Variants in DGKB observed in about 807,000 individuals in gnomAD.
DGKB encodes diacylglycerol kinase beta.
Under a neutral mutation model 114.3 loss-of-function variants are expected in DGKB, and 67 were observed. The observed-to-expected ratio is 0.59, with a 90% CI of 0.48 to 0.72. The LOEUF is 0.72. Ranked by LOEUF, DGKB falls within the 30% of genes least tolerant of loss-of-function variation. The pLI, the probability that DGKB is intolerant of heterozygous loss-of-function variation, is 0.00. For synonymous variants in DGKB, 398 were observed against 323.1 expected (o/e 1.23, Z -2.49); for missense variants, 907 against 975.2 (o/e 0.93, Z 0.93).
At chr7:14,447,275 T>C (rs1830857470) in intron 21 of DGKB, among the ~76,000 whole-genome samples, 1 of 152,098 alleles carries the variant, frequency 6.6e-6, no homozygotes, top group South Asian at 2.1e-4. Flanking sequence ...CCTCTACTGC[T>C]GAGAGCTTTT....
intron 23 of DGKB, among the ~76,000 whole-genome samples, chr7:14,210,581 G>C (rs147202881): frequency 6.6e-6 from 1 of 152,076 alleles, no homozygotes; most frequent in Non-Finnish European, 1.5e-5. Context: ...ACATGCACCT[G>C]ATTTTCAGAA....
chr7:14,619,039 T>C (rs1210828291), intron 15 of DGKB, among the ~76,000 whole-genome samples: 2 of 151,704 alleles, frequency 1.3e-5, no homozygotes, highest in East Asian at 1.9e-4. Context: ...AGAACTTTAT[T>C]CTTTTATTTT....
chr7:14,810,506 T>A (rs1296568964), intron 2 of DGKB, among the ~76,000 whole-genome samples: 1 of 152,234 alleles, frequency 6.6e-6, no homozygotes, highest in African/African-American at 2.4e-5. Context: ...ATTTTAATAA[T>A]TTATTTTATT....
At chr7:14,901,520 G>A (rs1339837753) in intron 1 of DGKB, among the ~76,000 whole-genome samples, 1 of 151,854 alleles carries the variant, frequency 6.6e-6, no homozygotes, top group East Asian at 1.9e-4. Context: ...GGAGAAAAAT[G>A]TACTAATACA....
At chr7:14,196,039 T>C (rs935334387) in intron 23 of DGKB, among the ~76,000 whole-genome samples, 3 of 152,046 alleles carry the variant, frequency 2.0e-5, no homozygotes, top group African/African-American at 7.2e-5. Context: ...TGCCGAAAAA[T>C]ATAGGATTAT....
intron 20 of DGKB, among the ~76,000 whole-genome samples, chr7:14,551,031 T>C (rs1795028233): frequency 6.7e-6 from 1 of 150,274 alleles, no homozygotes; most frequent in Non-Finnish European, 1.5e-5. Context: ...GAGAATGTGT[T>C]ACAAAGGGCT....
At chr7:14,427,074 AAC>A (rs1051296747) in intron 21 of DGKB, among the ~76,000 whole-genome samples, 1 of 151,788 alleles carries the variant, frequency 6.6e-6, no homozygotes, top group Admixed American at 6.6e-5. Context: ...TACAAGGGGG[AAC>A]ACACACTGGG....
intron 2 of DGKB, among the ~76,000 whole-genome samples, chr7:14,820,046 A>G (rs1054398884): frequency 8.5e-5 from 13 of 152,144 alleles, no homozygotes; most frequent in African/African-American, 3.1e-4. Context: ...GGTAAAGAAA[A>G]GAGAGGTAGA....
At chr7:14,667,598 A>G (rs1233826140) in intron 13 of DGKB, among the ~76,000 whole-genome samples, 1 of 152,028 alleles carries the variant, frequency 6.6e-6, no homozygotes, top group Non-Finnish European at 1.5e-5. Flanking sequence ...CCAAAACAAC[A>G]TGATATATGT....
intron 1 of DGKB, among the ~76,000 whole-genome samples, chr7:14,914,700 A>T (rs75985897): frequency 0.038 from 5,753 of 152,278 alleles, 376 homozygotes; most frequent in African/African-American, 0.13. Flanking sequence ...TTTTAAAATT[A>T]TTAAATAGGG....
chr7:14,657,126 A>C (rs1429670514), intron 13 of DGKB, among the ~76,000 whole-genome samples: 1 of 151,814 alleles, frequency 6.6e-6, no homozygotes, highest in Non-Finnish European at 1.5e-5. Flanking sequence ...GAAGAAATAC[A>C]CGGACATGCT....
At chr7:14,760,251 T>A (rs766222686) in intron 2 of DGKB, among the ~76,000 whole-genome samples, 1 of 152,184 alleles carries the variant, frequency 6.6e-6, no homozygotes. Context: ...TTTTATGTCA[T>A]GTCCCTTGCT....
chr7:14,526,636 G>C (rs1022896389), intron 20 of DGKB, among the ~76,000 whole-genome samples: 2 of 152,142 alleles, frequency 1.3e-5, no homozygotes, highest in South Asian at 4.1e-4. Context: ...ATATGTAAGA[G>C]AGTGCCATAG....
intron 1 of DGKB, among the ~76,000 whole-genome samples, chr7:14,867,922 C>T (rs925848570): frequency 5.3e-5 from 8 of 152,116 alleles, no homozygotes; most frequent in East Asian, 1.9e-4. Context: ...GTAGCTTCAG[C>T]GAAGAATCCT....
intron 23 of DGKB, among the ~76,000 whole-genome samples, chr7:14,336,276 C>T (rs1810647603): frequency 6.6e-6 from 1 of 151,974 alleles, no homozygotes; most frequent in Admixed American, 6.6e-5. Context: ...GAAATCATCA[C>T]TAAAAAGAAA....
rs932922472 is a variant in DGKB at position 14,259,487 on chromosome 7, C to T, written c.2122+79028G>A. Among the ~76,000 whole-genome samples the T allele has an allele frequency of 4.6e-5, 7 of 151,524 alleles. No homozygotes were observed. The East Asian group carries it at 7.9e-4, about 17-fold the overall frequency. Reference sequence around the variant, plus strand: ...TGTCACGCAGGCTGGAGTGCGGTGGCGTGATCTCGGCTCACTGCAACTTCT... The same window carrying T: ...TGTCACGCAGGCTGGAGTGCGGTGGTGTGATCTCGGCTCACTGCAACTTCT... On this transcript the variant is annotated intron_variant, in intron 23 of 25. Coordinates refer to ENST00000402815, the MANE Select transcript of DGKB (RefSeq NM_001350709.2).
intron 21 of DGKB, among the ~76,000 whole-genome samples, chr7:14,461,848 A>C (rs1489341255): frequency 2.0e-5 from 3 of 152,210 alleles, no homozygotes; most frequent in Non-Finnish European, 4.4e-5. Flanking sequence ...CTGATGAAAA[A>C]ATCCTCAGTA....
In DGKB at chr7:14,478,178, T is replaced by C; in HGVS notation, c.1818A>G (p.Pro606=). 1.2e-6 allele frequency: 2 copies of C among 1,603,600 alleles called. No individual in the cohort carries two copies. Among genetic ancestry groups the C allele is most frequent in the South Asian group, 2.2e-5 (2 of 89,206 alleles). ...CACCTTACCTACTGTTGAATTTCTC[T>C]GGGTGTTTTTCTCTCATGATGTGGA... ...HRFHIMREKH[P]EKFNSRMKNK... Residue 606 remains proline, a synonymous_variant, in exon 21 of 26, where the codon CCA becomes CCG. Coordinates refer to ENST00000402815, the MANE Select transcript of DGKB (RefSeq NM_001350709.2).
chr7:14,845,123 A>G (rs1406228889), intron 1 of DGKB, among the ~76,000 whole-genome samples: 1 of 61,120 alleles, frequency 1.6e-5, no homozygotes, highest in Non-Finnish European at 3.2e-5. Context: ...AAAAAAAAAA[A>G]AAAAAAAAAA....
Sources: gnomAD v4.1 joint callset for allele counts (sites outside exome capture counted in the v4.1 genomes callset) on GRCh38, gnomAD v4.1.1 for gene constraint, MANE v1.5 for transcripts, NCBI Gene and HGNC (gene_info 2026-07-23, HGNC 2026-07-21) for gene names.